The following MACROD2 variants were observed in gnomAD, a reference collection of about 807,000 sequenced individuals.
MACROD2 encodes mono-ADP ribosylhydrolase 2.
In MACROD2, 36 loss-of-function variants were observed where a neutral mutation model predicts 70.4. That is an observed-to-expected ratio of 0.51 (90% CI 0.39 to 0.68). The LOEUF (loss-of-function observed/expected upper bound fraction) is 0.68. Ranked by LOEUF, MACROD2 falls within the 30% of genes least tolerant of loss-of-function variation. The pLI is 0.00. For synonymous variants in MACROD2, 172 were observed against 178.8 expected (o/e 0.96, Z 0.30); for missense variants, 496 against 538.4 (o/e 0.92, Z 0.78).
intron 4 of MACROD2, among the ~76,000 whole-genome samples, chr20:14,586,767 C>T (rs971669877): frequency 6.6e-6 from 1 of 151,944 alleles, no homozygotes; most frequent in Non-Finnish European, 1.5e-5. Flanking sequence ...TATCTAGAAT[C>T]TCACATATAT....
chr20:15,267,039 G>C (rs1477001980), intron 6 of MACROD2, among the ~76,000 whole-genome samples: 1 of 152,228 alleles, frequency 6.6e-6, no homozygotes. Context: ...AGGGGCTAAA[G>C]CCATGTGCAA....
chr20:14,023,654 G>T (rs1208956275), intron 2 of MACROD2, among the ~76,000 whole-genome samples: 1 of 152,188 alleles, frequency 6.6e-6, no homozygotes, highest in Non-Finnish European at 1.5e-5. Context: ...TTATTAAATA[G>T]GGAATCCTTT....
At chr20:15,917,292 A>G (rs1364754820) in intron 10 of MACROD2, among the ~76,000 whole-genome samples, 1 of 152,178 alleles carries the variant, frequency 6.6e-6, no homozygotes, top group Non-Finnish European at 1.5e-5. Context: ...CTTCAGGGAG[A>G]CAGAAACAGG....
intron 8 of MACROD2, among the ~76,000 whole-genome samples, chr20:15,805,421 C>A (rs188528843): frequency 6.6e-6 from 1 of 150,430 alleles, no homozygotes; most frequent in Admixed American, 6.6e-5. Context: ...TATCTAGGGG[C>A]AGGTAAAGAG....
intron 5 of MACROD2, among the ~76,000 whole-genome samples, chr20:15,113,281 T>C (rs748129042): frequency 6.6e-6 from 1 of 152,194 alleles, no homozygotes; most frequent in Non-Finnish European, 1.5e-5. Context: ...ATGAACTAGC[T>C]GAGAAAATAG....
intron 15 of MACROD2, among the ~76,000 whole-genome samples, chr20:16,001,565 G>A (rs1313192149): frequency 6.6e-6 from 1 of 152,152 alleles, no homozygotes; most frequent in Non-Finnish European, 1.5e-5. Flanking sequence ...TCATTTTTCA[G>A]AGATGTTGTC....
At chr20:14,893,187 C>T (rs1027504693) in intron 5 of MACROD2, 1 of 152,108 alleles carries the variant, frequency 6.6e-6, no homozygotes, top group African/African-American at 2.4e-5. Flanking sequence ...TATTGTTTAT[C>T]CATTTATCTT....
intron 5 of MACROD2, among the ~76,000 whole-genome samples, chr20:15,190,002 C>G (rs1053582056): frequency 1.1e-4 from 16 of 152,288 alleles, no homozygotes; most frequent in Admixed American, 5.2e-4. Flanking sequence ...AAAATGGCCT[C>G]TCTTCTCACT....
At chr20:14,262,391 A>G (rs1255589481) in intron 3 of MACROD2, among the ~76,000 whole-genome samples, 5 of 152,236 alleles carry the variant, frequency 3.3e-5, no homozygotes, top group African/African-American at 1.2e-4. Context: ...TCAAAAAGAT[A>G]AGAAATTCAA....
chr20:15,064,389 C>T (rs953782232), intron 5 of MACROD2, among the ~76,000 whole-genome samples: 1 of 152,184 alleles, frequency 6.6e-6, no homozygotes, highest in African/African-American at 2.4e-5. Context: ...TCATAAATCA[C>T]TGAGCCTGTT....
intron 8 of MACROD2, among the ~76,000 whole-genome samples, chr20:15,814,423 C>T (rs1051148558): frequency 6.6e-6 from 1 of 152,192 alleles, no homozygotes; most frequent in African/African-American, 2.4e-5. Flanking sequence ...TAAGCTTTCT[C>T]TTATACACCA....
At chr20:15,745,579 G>A (rs1380851823) in intron 8 of MACROD2, among the ~76,000 whole-genome samples, 1 of 151,898 alleles carries the variant, frequency 6.6e-6, no homozygotes, top group Non-Finnish European at 1.5e-5. Flanking sequence ...CATTTCTTCT[G>A]GATGTTTTTG....
chr20:15,770,878 A>C (rs1242946735), intron 8 of MACROD2, among the ~76,000 whole-genome samples: 2 of 152,086 alleles, frequency 1.3e-5, no homozygotes, highest in African/African-American at 2.4e-5. Context: ...ACACCCAAGC[A>C]CACTTAAACC....
intron 6 of MACROD2, among the ~76,000 whole-genome samples, chr20:15,423,559 G>T (rs1311437060): frequency 6.6e-6 from 1 of 151,540 alleles, no homozygotes; most frequent in Non-Finnish European, 1.5e-5. Flanking sequence ...AGCAGGTTTG[G>T]TGTCTGTCAA....
chr20:14,762,310 G>T (rs866095919), intron 5 of MACROD2, among the ~76,000 whole-genome samples: 1 of 152,080 alleles, frequency 6.6e-6, no homozygotes, highest in Non-Finnish European at 1.5e-5. Context: ...AAGCTAAGAA[G>T]ACTTACTCAG....
intron 8 of MACROD2, among the ~76,000 whole-genome samples, chr20:15,714,756 C>T (rs900663737): frequency 2.0e-5 from 3 of 151,936 alleles, no homozygotes; most frequent in Non-Finnish European, 4.4e-5. Flanking sequence ...TAATATGTGC[C>T]ACATACTTTA....
chr20:14,812,222 A>G (rs1272788768), intron 5 of MACROD2, among the ~76,000 whole-genome samples: 1 of 152,138 alleles, frequency 6.6e-6, no homozygotes, highest in Non-Finnish European at 1.5e-5. Context: ...TGTGGTACAT[A>G]TACACCATGG....
intron 8 of MACROD2, among the ~76,000 whole-genome samples, chr20:15,574,893 A>G (rs1276089303): frequency 6.6e-6 from 1 of 152,218 alleles, no homozygotes; most frequent in Non-Finnish European, 1.5e-5. Flanking sequence ...TCATGTATGA[A>G]ATTAGACTCA....
intron 6 of MACROD2, among the ~76,000 whole-genome samples, chr20:15,332,470 A>G (rs939612686): frequency 2.6e-5 from 4 of 151,612 alleles, no homozygotes; most frequent in Admixed American, 1.3e-4. Flanking sequence ...ATTATAATAT[A>G]TGTGATGAAT....
Sources: allele counts gnomAD v4.1 joint callset (sites outside exome capture counted in the v4.1 genomes callset), GRCh38; gene constraint gnomAD v4.1.1; transcripts MANE v1.5; gene names NCBI Gene and HGNC (gene_info 2026-07-23, HGNC 2026-07-21).